The following DNER variants were observed in gnomAD, a reference collection of about 807,000 sequenced individuals.
DNER encodes the protein delta/notch like EGF repeat containing.
Under a neutral mutation model 78.2 loss-of-function variants are expected in DNER, and 33 were observed. That is an observed-to-expected ratio of 0.42 (90% CI 0.32 to 0.56). DNER has a LOEUF of 0.56. Among genes scored for constraint, DNER ranks in the 20% least tolerant of loss-of-function variants. The probability of loss-of-function intolerance (pLI) is 0.11; values close to 1 mark genes in which losing one functional copy is unlikely to be tolerated. For missense variants in DNER, 918 were observed against 975.3 expected (o/e 0.94, Z 0.78); for synonymous variants, 417 against 384.8 (o/e 1.08, Z -0.98).
chr2:229,596,524 C>T (rs1028343372), intron 1 of DNER, among the ~76,000 whole-genome samples: 1 of 152,156 alleles, frequency 6.6e-6, no homozygotes, highest in African/African-American at 2.4e-5. Context: ...CTCTGGTCCT[C>T]GGAGACCATC....
intron 1 of DNER, among the ~76,000 whole-genome samples, chr2:229,625,924 T>G (rs1206713202): frequency 2.7e-5 from 4 of 150,392 alleles, no homozygotes; most frequent in Non-Finnish European, 4.4e-5. Flanking sequence ...TTGTTTGTTT[T>G]TTGTTTTTTT....
At chr2:229,586,377 G>A (rs1386647213) in intron 3 of DNER, among the ~76,000 whole-genome samples, 1 of 151,552 alleles carries the variant, frequency 6.6e-6, no homozygotes, top group Non-Finnish European at 1.5e-5. Flanking sequence ...ACAGCCACCT[G>A]AGTTATGCTG....
At chr2:229,504,471 C>T (rs1032200331) in intron 6 of DNER, among the ~76,000 whole-genome samples, 4 of 151,738 alleles carry the variant, frequency 2.6e-5, no homozygotes, top group Admixed American at 6.6e-5. Flanking sequence ...CTGCCTGCCT[C>T]GGCCTCCCAA....
intron 1 of DNER, among the ~76,000 whole-genome samples, chr2:229,619,906 G>A (rs1444712659): frequency 6.6e-6 from 1 of 152,094 alleles, no homozygotes; most frequent in African/African-American, 2.4e-5. Flanking sequence ...TCACCCCACG[G>A]GTCATTCTCC....
intron 11 of DNER, among the ~76,000 whole-genome samples, chr2:229,387,515 GAA>G (rs200985000): frequency 4.2e-4 from 31 of 73,630 alleles, no homozygotes; most frequent in Admixed American, 9.3e-4. Flanking sequence ...AAGAGAGAAA[GAA>G]AGAAAGAAAG....
chr2:229,610,195 A>G (rs1677347447), intron 1 of DNER, among the ~76,000 whole-genome samples: 1 of 152,236 alleles, frequency 6.6e-6, no homozygotes, highest in African/African-American at 2.4e-5. Flanking sequence ...GAAAATAAAC[A>G]GGAAGGATGA....
intron 10 of DNER, among the ~76,000 whole-genome samples, chr2:229,404,833 A>G (rs1030364448): frequency 1.3e-5 from 2 of 152,370 alleles, no homozygotes; most frequent in African/African-American, 4.8e-5. Flanking sequence ...TAATTCATAC[A>G]TGATTAGCAT....
In DNER at chr2:229,591,816, C is replaced by CGCTGCT. The variant is rs376000556; in HGVS notation, c.343_348dup (p.Ser115_Ser116dup). On this transcript the variant is annotated inframe_insertion, in exon 2 of 13. Transcript: ENST00000341772. This position sits in a 1 kb window ranked among gnomAD's most constrained non-coding sequence, Gnocchi z 4.6. ...TCATTGCAAATGCAGAGGTAGCCAT[C>CGCTGCT]GCTGCTGCTGCTGCTGCTGCTGCTG... is the stretch of plus-strand genomic sequence containing the variant. The CGCTGCT allele has an allele frequency of 1.9e-5, 31 of 1,611,384 alleles. No homozygotes were observed. Among genetic ancestry groups the CGCTGCT allele is most frequent in the Non-Finnish European group, 1.5e-5 (18 of 1,178,642 alleles).
At chr2:229,572,082 A>G (rs907626146) in intron 4 of DNER, among the ~76,000 whole-genome samples, 2 of 152,006 alleles carry the variant, frequency 1.3e-5, no homozygotes, top group African/African-American at 4.8e-5. Context: ...ATTTTCCATA[A>G]CTTTCCACTA....
chr2:229,540,204 G>A (rs753467777), intron 5 of DNER, among the ~76,000 whole-genome samples: 3 of 152,116 alleles, frequency 2.0e-5, no homozygotes, highest in Non-Finnish European at 4.4e-5. Flanking sequence ...TTGGGGAGGT[G>A]GAAGGGTAAG....
intron 1 of DNER, among the ~76,000 whole-genome samples, chr2:229,665,290 A>G (rs994265456): frequency 6.6e-6 from 1 of 152,178 alleles, no homozygotes; most frequent in Admixed American, 6.5e-5. Flanking sequence ...ACCCAGCAGA[A>G]AGAAAGCCAT....
intron 1 of DNER, among the ~76,000 whole-genome samples, chr2:229,675,861 T>C (rs1156430927): frequency 6.6e-6 from 1 of 152,162 alleles, no homozygotes; most frequent in Non-Finnish European, 1.5e-5. Context: ...TGGTGAATAA[T>C]GAAGTCCACC....
At chr2:229,500,793 T>C (rs894940031) in intron 6 of DNER, among the ~76,000 whole-genome samples, 5 of 152,154 alleles carry the variant, frequency 3.3e-5, no homozygotes, top group Non-Finnish European at 4.4e-5. Flanking sequence ...TCGATGCACC[T>C]ACCACCCAAG....
rs528227997 is a variant in DNER, at chr2:229,608,580, T to C, written c.277-16692A>G. Among the ~76,000 whole-genome samples the C allele has an allele frequency of 7.2e-5, 11 of 152,124 alleles. 1 individual carries two copies. In the South Asian group the frequency reaches 1.7e-3, roughly 23 times the overall value. On this transcript the variant is annotated intron_variant, in intron 1 of 12. Transcript: ENST00000341772. ...CAGACAAATCGCAGAAACACCATAG[T>C]GAGTGGGAAAAAAGCAAGTTGTGAA...
intron 10 of DNER, among the ~76,000 whole-genome samples, chr2:229,394,265 A>G (rs1288636824): frequency 6.6e-6 from 1 of 152,188 alleles, no homozygotes; most frequent in Non-Finnish European, 1.5e-5. Flanking sequence ...TGTCCTGCAC[A>G]TCCCTTCTGA....
At chr2:229,551,782 A>G (rs1268218787) in intron 4 of DNER, among the ~76,000 whole-genome samples, 1 of 151,580 alleles carries the variant, frequency 6.6e-6, no homozygotes, top group African/African-American at 2.4e-5. Context: ...AAGTACAAAA[A>G]ATTACCGGGC....
chr2:229,650,525 C>T (rs1402848497), intron 1 of DNER, among the ~76,000 whole-genome samples: 1 of 152,194 alleles, frequency 6.6e-6, no homozygotes, highest in Non-Finnish European at 1.5e-5. Flanking sequence ...CTTGAGAGAA[C>T]ACCGGACTTC....
intron 1 of DNER, among the ~76,000 whole-genome samples, chr2:229,667,961 A>G (rs978997807): frequency 1.3e-5 from 2 of 152,242 alleles, no homozygotes; most frequent in African/African-American, 4.8e-5. Context: ...ATTTCGGGGC[A>G]GTGACCATGT....
chr2:229,379,168 G>T (rs1692677916), intron 11 of DNER, among the ~76,000 whole-genome samples: 1 of 152,172 alleles, frequency 6.6e-6, no homozygotes, highest in Non-Finnish European at 1.5e-5. Flanking sequence ...GCTGTAGGCA[G>T]CATCTAAAAA....
Sources: allele counts gnomAD v4.1 joint callset (sites outside exome capture counted in the v4.1 genomes callset), GRCh38; gene constraint gnomAD v4.1.1; non-coding constraint Gnocchi (gnomAD v3.1); transcripts MANE v1.5; gene names NCBI Gene and HGNC (gene_info 2026-07-23, HGNC 2026-07-21).